The following ITGA8 variants were observed in gnomAD, a reference collection of about 807,000 sequenced individuals.
ITGA8 encodes integrin subunit alpha 8, also known as integrin alpha-8.
Under a neutral mutation model 142.3 loss-of-function variants are expected in ITGA8, and 91 were observed. The observed-to-expected ratio is 0.64, with a 90% CI of 0.54 to 0.76. The LOEUF (loss-of-function observed/expected upper bound fraction) is 0.76. Among genes scored for constraint, ITGA8 ranks in the 30% least tolerant of loss-of-function variants. The pLI is 0.00. For missense variants in ITGA8, 1,406 were observed against 1,327.7 expected (o/e 1.06, Z -0.92); for synonymous variants, 505 against 485.2 (o/e 1.04, Z -0.54).
chr10:15,629,258 T>C lies in ITGA8; in HGVS notation c.1400-12699A>G, dbSNP rs1833641605. On this transcript the variant is annotated intron_variant, in intron 13 of 29. Coordinates refer to ENST00000378076, the MANE Select transcript of ITGA8 (RefSeq NM_003638.3). ...TTCCTGAACGAGATGAAAAGTTACATGCCTCCCCCATATTTTGCCCACAAG... is the reference window on the plus strand; with the variant it reads ...TTCCTGAACGAGATGAAAAGTTACACGCCTCCCCCATATTTTGCCCACAAG... Among the ~76,000 whole-genome samples, 2 of 152,154 alleles carry C rather than the reference T, an allele frequency of 1.3e-5. 1 individual carries two copies. The highest frequency in any genetic ancestry group is 4.8e-5 in the African/African-American group (2 of 41,416).
intron 20 of ITGA8, among the ~76,000 whole-genome samples, chr10:15,602,345 A>G (rs1257339353): frequency 6.6e-6 from 1 of 152,160 alleles, no homozygotes; most frequent in African/African-American, 2.4e-5. Flanking sequence ...TGGTTATTAA[A>G]CACCATTTTT....
chr10:15,595,654 C>T (rs1226605178), intron 21 of ITGA8, among the ~76,000 whole-genome samples: 1 of 152,210 alleles, frequency 6.6e-6, no homozygotes, highest in East Asian at 1.9e-4. Flanking sequence ...TCTGGTCTAG[C>T]TGTAACACTT....
In ITGA8 at chr10:15,517,232, CAA is replaced by C; in HGVS notation, c.3116_3117del (p.Phe1039Ter). Reference protein sequence around the residue: ...LTLALWKCGFFDRARPPQEDM... With the variant: ...LTLALWKCGFXDRARPPQEDM... ...TCCTCCTGAGGAGGTCTGGCTCTGT[CAA>C]AGAATCCACACTATAAAGGGAAAGA... On this transcript the variant is annotated frameshift_variant, in exon 30 of 30. Transcript: ENST00000378076. LOFTEE classifies it high-confidence loss of function. 6.2e-7 allele frequency: 1 copy of C among 1,611,404 alleles called. No individual in the cohort carries two copies.
chr10:15,554,097 AATT>A (rs1333079971), intron 26 of ITGA8, among the ~76,000 whole-genome samples: 3 of 152,184 alleles, frequency 2.0e-5, no homozygotes, highest in African/African-American at 2.4e-5. Flanking sequence ...GACTGAAATA[AATT>A]ATTATCAGAG....
intron 27 of ITGA8, among the ~76,000 whole-genome samples, chr10:15,547,161 T>TA (rs548338551): frequency 1.1e-4 from 16 of 149,434 alleles, no homozygotes; most frequent in South Asian, 6.3e-4. Flanking sequence ...AATTTAGGAT[T>TA]AAAAAAAAAA....
intron 20 of ITGA8, among the ~76,000 whole-genome samples, chr10:15,602,639 G>A (rs1458837846): frequency 6.6e-6 from 1 of 152,000 alleles, no homozygotes; most frequent in African/African-American, 2.4e-5. Context: ...TCAGGAGGCT[G>A]AGATGAGGGT....
At chr10:15,619,881 T>C (rs1833457525) in intron 13 of ITGA8, among the ~76,000 whole-genome samples, 1 of 152,254 alleles carries the variant, frequency 6.6e-6, no homozygotes, top group African/African-American at 2.4e-5. Flanking sequence ...TGAAAACTGA[T>C]TCACGATGAA....
At chr10:15,643,215 C>A (rs765055015) in intron 13 of ITGA8, among the ~76,000 whole-genome samples, 1 of 152,108 alleles carries the variant, frequency 6.6e-6, no homozygotes, top group Non-Finnish European at 1.5e-5. Context: ...TATCATGAAC[C>A]AGTTCTTTTT....
chr10:15,531,471 G>A (rs917824845), intron 27 of ITGA8, among the ~76,000 whole-genome samples: 4 of 122,806 alleles, frequency 3.3e-5, no homozygotes, highest in African/African-American at 1.2e-4. Context: ...ATTAATAAAA[G>A]ACTGTGTATA....
At chr10:15,592,074 G>C in intron 22 of ITGA8, 151 bp downstream of exon 22, 1 of 549,938 alleles carries the variant, frequency 1.8e-6, no homozygotes, top group South Asian at 3.0e-5. Flanking sequence ...TGAAACAATT[G>C]AGAAAAACAA....
At chr10:15,615,353 C>T (rs928739211) in intron 14 of ITGA8, among the ~76,000 whole-genome samples, 4 of 152,074 alleles carry the variant, frequency 2.6e-5, no homozygotes, top group South Asian at 2.1e-4. Context: ...TTGGGACTGA[C>T]GAAGAAGAAA....
At chr10:15,574,935 GACA>G (rs1382622378) in intron 24 of ITGA8, among the ~76,000 whole-genome samples, 5 of 151,934 alleles carry the variant, frequency 3.3e-5, no homozygotes, top group African/African-American at 1.2e-4. Context: ...AAACAACAAT[GACA>G]ACAACAATAG....
chr10:15,621,704 T>A (rs1041686573), intron 13 of ITGA8, among the ~76,000 whole-genome samples: 2 of 152,160 alleles, frequency 1.3e-5, no homozygotes, highest in African/African-American at 4.8e-5. Context: ...GCTGACAGTA[T>A]CAGATTAAAG....
chr10:15,646,595 T>C (rs1282873511), intron 12 of ITGA8, among the ~76,000 whole-genome samples: 2 of 152,226 alleles, frequency 1.3e-5, no homozygotes, highest in Admixed American at 6.5e-5. Context: ...TTTTTCTCTG[T>C]GTTGCATTGT....
At chr10:15,521,011 T>C (rs987037512) in intron 28 of ITGA8, among the ~76,000 whole-genome samples, 2 of 152,146 alleles carry the variant, frequency 1.3e-5, no homozygotes, top group African/African-American at 4.8e-5. Flanking sequence ...CTGTCTTCTT[T>C]TGTGTATTTG....
intron 12 of ITGA8, among the ~76,000 whole-genome samples, chr10:15,644,965 C>T (rs1199499571): frequency 4.0e-5 from 6 of 150,766 alleles, no homozygotes; most frequent in African/African-American, 1.2e-4. Context: ...TAGTGGCGGG[C>T]GCCTGTAATC....
chr10:15,603,809 C>A (rs944140101), intron 20 of ITGA8, among the ~76,000 whole-genome samples: 4 of 152,140 alleles, frequency 2.6e-5, no homozygotes, highest in African/African-American at 9.7e-5. Context: ...ACCTTCTTCC[C>A]TAACCAATAA....
chr10:15,542,269 A>T (rs1256087737), intron 27 of ITGA8, among the ~76,000 whole-genome samples: 1 of 152,216 alleles, frequency 6.6e-6, no homozygotes, highest in Non-Finnish European at 1.5e-5. Context: ...GCTGCATAGA[A>T]CTTTCTTCAA....
chr10:15,521,044 T>A (rs368202493), intron 28 of ITGA8, among the ~76,000 whole-genome samples: 1 of 152,266 alleles, frequency 6.6e-6, no homozygotes, highest in East Asian at 1.9e-4. Flanking sequence ...TGTGAGACAG[T>A]GTCTCACTCT....
Sources: allele counts gnomAD v4.1 joint callset (sites outside exome capture counted in the v4.1 genomes callset), GRCh38; gene constraint gnomAD v4.1.1; transcripts MANE v1.5; gene names NCBI Gene and HGNC (gene_info 2026-07-23, HGNC 2026-07-21).